KIF26B: variants seen among roughly 807,000 people sequenced by gnomAD.
KIF26B encodes kinesin-like protein KIF26B.
KIF26B carries 63 observed loss-of-function variants against 151.2 expected under a neutral mutation model. The ratio of observed to expected loss-of-function variants is 0.42; its 90% CI spans 0.34 to 0.51. KIF26B has a LOEUF of 0.51. Among genes scored for constraint, KIF26B ranks in the 20% least tolerant of loss-of-function variants. The pLI is 0.07. For missense variants in KIF26B, 2,813 were observed against 2,913.6 expected (o/e 0.97, Z 0.79); for synonymous variants, 1,357 against 1,262.1 (o/e 1.08, Z -1.59).
At position 245,239,429 on chromosome 1, in the gene KIF26B, G is replaced by A. The variant is rs1218973051; in HGVS notation, c.465+82746G>A. ...CATCAATTTTTATCAAAAACTTAAT[G>A]CCATTAATAGGTGAAGAACACATTT... On this transcript the variant is annotated intron_variant, in intron 2 of 14. Transcript: ENST00000407071. This position sits in a 1 kb window ranked among gnomAD's most constrained non-coding sequence, Gnocchi z 4.3. Among the ~76,000 whole-genome samples, 1 of 152,162 alleles carries A rather than the reference G, an allele frequency of 6.6e-6. No homozygotes were observed. The highest frequency in any genetic ancestry group is 1.5e-5 in the Non-Finnish European group (1 of 68,022).
chr1:245,190,311 C>T (rs56839120), intron 2 of KIF26B, among the ~76,000 whole-genome samples: 17,017 of 152,242 alleles, frequency 0.11, 1,019 homozygotes, highest in South Asian at 0.2. Flanking sequence ...TGCTGGGACT[C>T]TCTTGTCAGG....
chr1:245,161,818 G>C (rs1418923403), intron 2 of KIF26B, among the ~76,000 whole-genome samples: 2 of 152,142 alleles, frequency 1.3e-5, no homozygotes, highest in African/African-American at 2.4e-5. Flanking sequence ...CCTGTGAGTA[G>C]AACTGACTGA....
intron 2 of KIF26B, among the ~76,000 whole-genome samples, chr1:245,198,100 T>C (rs1252673028): frequency 2.0e-5 from 3 of 152,122 alleles, no homozygotes; most frequent in Non-Finnish European, 1.5e-5. Flanking sequence ...CAGCAGATAC[T>C]CGTTGAGGGC....
At position 245,274,540 on chromosome 1, in the gene KIF26B, C is replaced by A. The variant is rs577064099; in HGVS notation, c.466-92294C>A. Among the ~76,000 whole-genome samples, 8 of 152,108 alleles carry A rather than the reference C, an allele frequency of 5.3e-5. No homozygotes were observed. The East Asian group carries it at 1.4e-3, about 26-fold the overall frequency. The stretch of plus-strand genomic sequence containing the variant: ...GTTTCCAGCTTCATCCATGTCCCTG[C>A]AAAGGACATGACATGAATGCACCTT... On this transcript the variant is annotated intron_variant, in intron 2 of 14. Coordinates refer to ENST00000407071, the MANE Select transcript of KIF26B (RefSeq NM_018012.4).
At chr1:245,520,472 A>G (rs1034674760) in intron 4 of KIF26B, among the ~76,000 whole-genome samples, 3 of 152,186 alleles carry the variant, frequency 2.0e-5, no homozygotes, top group African/African-American at 7.2e-5. Context: ...TGTTGTCATC[A>G]TTAAGAAGTC....
At chr1:245,588,767 G>T (rs140980643) in intron 5 of KIF26B, among the ~76,000 whole-genome samples, 1 of 152,316 alleles carries the variant, frequency 6.6e-6, no homozygotes, top group African/African-American at 2.4e-5. Flanking sequence ...CTGGCTCAGG[G>T]CATTGTACAT....
intron 4 of KIF26B, among the ~76,000 whole-genome samples, chr1:245,514,812 T>C (rs898109851): frequency 1.3e-5 from 2 of 152,116 alleles, no homozygotes; most frequent in African/African-American, 4.8e-5. Flanking sequence ...ACTTCTATTC[T>C]CTCCATCAGT....
In KIF26B at chr1:245,279,272, G is replaced by C. The variant is rs143695770; in HGVS notation, c.466-87562G>C. Among the ~76,000 whole-genome samples the C allele has an allele frequency of 1.0e-3, 152 of 151,330 alleles. 2 individuals carry two copies. The highest frequency in any genetic ancestry group is 3.6e-3 in the African/African-American group (149 of 41,286). On this transcript the variant is annotated intron_variant, in intron 2 of 14. Coordinates refer to ENST00000407071, the MANE Select transcript of KIF26B (RefSeq NM_018012.4). Reference sequence around the variant, plus strand: ...GCACTCACACTCATCAGCAGACAGAGTGCATTCACTTTCTTTTCTTTCCTT... The same window carrying C: ...GCACTCACACTCATCAGCAGACAGACTGCATTCACTTTCTTTTCTTTCCTT...
At chr1:245,600,251 G>A (rs1369191647) in intron 5 of KIF26B, among the ~76,000 whole-genome samples, 2 of 127,530 alleles carry the variant, frequency 1.6e-5, no homozygotes, top group African/African-American at 5.7e-5. Flanking sequence ...TGTTAGCCAG[G>A]ATGGTCTCTA....
At chr1:245,587,335 C>A (rs544218437) in intron 5 of KIF26B, among the ~76,000 whole-genome samples, 6 of 152,084 alleles carry the variant, frequency 3.9e-5, no homozygotes, top group African/African-American at 1.4e-4. Flanking sequence ...CCTGATAAAC[C>A]GTAAGCCCCT....
chr1:245,344,758 GGATACA>G (rs1405462003), intron 2 of KIF26B, among the ~76,000 whole-genome samples: 2 of 151,998 alleles, frequency 1.3e-5, no homozygotes, highest in African/African-American at 2.4e-5. Context: ...AGAAGCCTGA[GGATACA>G]GACAGACTGC....
chr1:245,528,731 GT>G (rs1294182243), intron 4 of KIF26B, among the ~76,000 whole-genome samples: 1 of 152,200 alleles, frequency 6.6e-6, no homozygotes, highest in Non-Finnish European at 1.5e-5. Flanking sequence ...ATCTTCCAGT[GT>G]CCTTAAAAAT....
intron 4 of KIF26B, among the ~76,000 whole-genome samples, chr1:245,517,293 T>C (rs1290053783): frequency 6.6e-6 from 1 of 151,250 alleles, no homozygotes; most frequent in Non-Finnish European, 1.5e-5. Context: ...AGGCGGAGGT[T>C]GCAGTGAGCC....
intron 2 of KIF26B, among the ~76,000 whole-genome samples, chr1:245,180,428 A>G (rs1486454741): frequency 6.6e-6 from 1 of 152,190 alleles, no homozygotes; most frequent in Non-Finnish European, 1.5e-5. Context: ...TCCTTCCTCA[A>G]CTTCCACATC....
chr1:245,497,381 A>G (rs566830638), intron 4 of KIF26B, among the ~76,000 whole-genome samples: 1 of 152,310 alleles, frequency 6.6e-6, no homozygotes, highest in Admixed American at 6.5e-5. Flanking sequence ...AAAATTGACC[A>G]TATGTTGGCT....
At chr1:245,574,086 G>A (rs1457661364) in intron 5 of KIF26B, among the ~76,000 whole-genome samples, 1 of 152,302 alleles carries the variant, frequency 6.6e-6, no homozygotes, top group East Asian at 1.9e-4. Flanking sequence ...CTGAGAATGA[G>A]GACTGACATG....
At chr1:245,361,230 A>G (rs7549549) in intron 2 of KIF26B, among the ~76,000 whole-genome samples, 18,858 of 152,234 alleles carry the variant, frequency 0.12, 3,591 homozygotes, top group African/African-American at 0.41. Flanking sequence ...CCTCGCTTGC[A>G]GAACACGATC....
chr1:245,684,788 G>T (rs1394236443), intron 11 of KIF26B, among the ~76,000 whole-genome samples: 2 of 152,226 alleles, frequency 1.3e-5, no homozygotes, highest in African/African-American at 4.8e-5. Flanking sequence ...GCACCAAAGA[G>T]GTTCTCAACT....
rs1668414162 is a variant in KIF26B, at chr1:245,155,533, T to A, written c.63+46T>A. 1.7e-5 allele frequency: 25 copies of A among 1,492,138 alleles called. 1 individual carries two copies. The highest frequency in any genetic ancestry group is 2.3e-5 in the Non-Finnish European group (25 of 1,081,170). 92.4% of individuals were successfully genotyped at this position (1,492,138 alleles called of 1,614,324 possible). A position where few individuals can be genotyped will look rare whatever the true frequency, so the allele number is the denominator to read the frequency against. On this transcript the variant is annotated intron_variant, in intron 1 of 14. Transcript: ENST00000407071. ...GCGGAGACGCGTTACCAGACCCATCTCGGCGGAGGTCCCCCTTTCCCCGGG... is the reference window on the plus strand; with the variant it reads ...GCGGAGACGCGTTACCAGACCCATCACGGCGGAGGTCCCCCTTTCCCCGGG...
Sources: gnomAD v4.1 joint callset for allele counts (sites outside exome capture counted in the v4.1 genomes callset) on GRCh38, gnomAD v4.1.1 for gene constraint, Gnocchi (gnomAD v3.1) non-coding constraint, MANE v1.5 for transcripts, NCBI Gene and HGNC (gene_info 2026-07-23, HGNC 2026-07-21) for gene names.